CLASP2: variants seen among roughly 807,000 people sequenced by gnomAD.
The protein encoded by CLASP2 is cytoplasmic linker associated protein 2.
Under a neutral mutation model 194.4 loss-of-function variants are expected in CLASP2, and 47 were observed. The observed-to-expected ratio is 0.24, with a 90% CI of 0.19 to 0.31. CLASP2 has a LOEUF of 0.31. Among genes scored for constraint, CLASP2 ranks in the 10% least tolerant of loss-of-function variants. CLASP2 has a pLI of 1.00. For synonymous variants in CLASP2, 619 were observed against 633.5 expected (o/e 0.98, Z 0.34); for missense variants, 1,445 against 1,823.6 (o/e 0.79, Z 3.78).
intron 19 of CLASP2, among the ~76,000 whole-genome samples, chr3:33,595,739 G>A (rs375037248): frequency 4.8e-4 from 73 of 151,988 alleles, no homozygotes; most frequent in African/African-American, 1.4e-3. Flanking sequence ...ATAAAAGTTC[G>A]TTTTTAAAGG....
chr3:33,649,832 G>A (rs530303873), intron 7 of CLASP2, among the ~76,000 whole-genome samples: 5 of 152,144 alleles, frequency 3.3e-5, no homozygotes, highest in South Asian at 2.1e-4. Context: ...CAAATAGAGT[G>A]CTTCATTAAG....
chr3:33,541,419 T>C (rs560432467), intron 32 of CLASP2, among the ~76,000 whole-genome samples: 16 of 152,266 alleles, frequency 1.1e-4, no homozygotes, highest in African/African-American at 3.9e-4. Flanking sequence ...TTGTATAGAT[T>C]ATTTTATCAC....
chr3:33,589,569 GCAAA>G (rs1347245814), intron 21 of CLASP2, among the ~76,000 whole-genome samples: 2 of 152,030 alleles, frequency 1.3e-5, no homozygotes, highest in South Asian at 2.1e-4. Context: ...AAATAAGCAA[GCAAA>G]CAAACAAAAG....
intron 21 of CLASP2, among the ~76,000 whole-genome samples, chr3:33,587,041 T>G (rs1560171129): frequency 6.6e-6 from 1 of 152,210 alleles, no homozygotes; most frequent in Non-Finnish European, 1.5e-5. Flanking sequence ...ATTTCCAGAT[T>G]TTTAGCATGT....
intron 25 of CLASP2, among the ~76,000 whole-genome samples, chr3:33,572,121 T>TA (rs1192369010): frequency 1.4e-4 from 22 of 152,362 alleles, no homozygotes; most frequent in Admixed American, 8.5e-4. Context: ...CCTTGCCATT[T>TA]AAAATGACCA....
At chr3:33,649,712 T>C (rs1342813185) in intron 7 of CLASP2, among the ~76,000 whole-genome samples, 4 of 152,180 alleles carry the variant, frequency 2.6e-5, no homozygotes, top group Admixed American at 6.5e-5. Flanking sequence ...AAAGCTGGTA[T>C]ACCAAACAAC....
intron 6 of CLASP2, among the ~76,000 whole-genome samples, chr3:33,670,066 C>CTA (rs1382407013): frequency 4.6e-5 from 7 of 152,020 alleles, no homozygotes; most frequent in Non-Finnish European, 5.9e-5. Flanking sequence ...CCAAAAGAAT[C>CTA]TATATATATA....
chr3:33,610,996 A>C (rs1411187462), intron 13 of CLASP2, among the ~76,000 whole-genome samples: 1 of 152,218 alleles, frequency 6.6e-6, no homozygotes, highest in East Asian at 1.9e-4. Flanking sequence ...ATTGTTGGCG[A>C]TAGTGGTGTG....
chr3:33,716,140 T>G (rs986158904), intron 1 of CLASP2, among the ~76,000 whole-genome samples: 1 of 152,140 alleles, frequency 6.6e-6, no homozygotes, highest in African/African-American at 2.4e-5. Flanking sequence ...AAAGGAAGAT[T>G]ATATGGTCAC....
intron 23 of CLASP2, among the ~76,000 whole-genome samples, chr3:33,580,131 C>T (rs967620922): frequency 6.6e-6 from 1 of 152,194 alleles, no homozygotes; most frequent in Non-Finnish European, 1.5e-5. Context: ...GAGGGAAACT[C>T]TCTGGCACCT....
chr3:33,585,799 T>G (rs944065154), intron 21 of CLASP2, among the ~76,000 whole-genome samples: 1 of 151,970 alleles, frequency 6.6e-6, no homozygotes, highest in Non-Finnish European at 1.5e-5. Context: ...ATGCAGAGCA[T>G]GACTGTATTA....
chr3:33,509,021 T>C (rs1203367086), intron 37 of CLASP2, among the ~76,000 whole-genome samples: 10 of 152,214 alleles, frequency 6.6e-5, no homozygotes, highest in Non-Finnish European at 2.9e-5. Context: ...AAAATGGTAT[T>C]TGAAGACCAC....
At chr3:33,710,622 ACTCT>A (rs1285194294) in intron 1 of CLASP2, among the ~76,000 whole-genome samples, 3 of 152,042 alleles carry the variant, frequency 2.0e-5, no homozygotes, top group African/African-American at 7.2e-5. Context: ...CATTTATGAT[ACTCT>A]CTAACACTTT....
At chr3:33,560,315 T>C (rs2061609848) in intron 28 of CLASP2, among the ~76,000 whole-genome samples, 3 of 151,988 alleles carry the variant, frequency 2.0e-5, no homozygotes, top group Admixed American at 1.3e-4. Context: ...CAATCTCGGC[T>C]CACTGCAACC....
chr3:33,636,509 C>T (rs1426973519), intron 8 of CLASP2, among the ~76,000 whole-genome samples: 1 of 151,816 alleles, frequency 6.6e-6, no homozygotes, highest in East Asian at 1.9e-4. Flanking sequence ...ACAGCAATTA[C>T]AGGTATAAAA....
chr3:33,693,334 C>T (rs1343580760), intron 2 of CLASP2, among the ~76,000 whole-genome samples: 5 of 152,014 alleles, frequency 3.3e-5, no homozygotes, highest in Non-Finnish European at 5.9e-5. Flanking sequence ...ACTAATAACC[C>T]GAGTGCACCA....
At chr3:33,513,176 A>C (rs2050402687) in intron 36 of CLASP2, among the ~76,000 whole-genome samples, 1 of 152,212 alleles carries the variant, frequency 6.6e-6, no homozygotes, top group Non-Finnish European at 1.5e-5. Flanking sequence ...TATCATTTTT[A>C]AACTTTCAGT....
intron 36 of CLASP2, among the ~76,000 whole-genome samples, chr3:33,512,421 G>T (rs1170715031): frequency 1.8e-4 from 5 of 27,420 alleles, no homozygotes; most frequent in Admixed American, 6.1e-4. Context: ...GTCGGGGGAG[G>T]GGGGAGGGAT....
chr3:33,638,894 C>A (rs1161704598), intron 8 of CLASP2, among the ~76,000 whole-genome samples: 1 of 152,070 alleles, frequency 6.6e-6, no homozygotes, highest in East Asian at 1.9e-4. Context: ...CATTTGTATT[C>A]CTATAAGAGA....
Sources: gnomAD v4.1 joint callset for allele counts (sites outside exome capture counted in the v4.1 genomes callset) on GRCh38, gnomAD v4.1.1 for gene constraint, MANE v1.5 for transcripts, NCBI Gene and HGNC (gene_info 2026-07-23, HGNC 2026-07-21) for gene names.